FREM2: variants seen among roughly 807,000 people sequenced by gnomAD.
FREM2 encodes the protein FRAS1 related extracellular matrix 2.
FREM2 carries 119 observed loss-of-function variants against 219.9 expected under a neutral mutation model. That is an observed-to-expected ratio of 0.54 (90% CI 0.47 to 0.63). The LOEUF (loss-of-function observed/expected upper bound fraction) is 0.63. Ranked by LOEUF, FREM2 falls within the 30% of genes least tolerant of loss-of-function variation. FREM2 has a pLI of 0.00. For missense variants in FREM2, 4,030 were observed against 3,993.6 expected (o/e 1.01, Z -0.25); for synonymous variants, 1,562 against 1,522.8 (o/e 1.03, Z -0.60).
chr13:38,734,173 A>G (rs1229862864), intron 2 of FREM2, among the ~76,000 whole-genome samples: 2 of 152,028 alleles, frequency 1.3e-5, no homozygotes, highest in African/African-American at 4.8e-5. Context: ...ACACAAAAAA[A>G]AAAGAAAGAA....
chr13:38,799,625 T>A (rs1874932382), intron 6 of FREM2, among the ~76,000 whole-genome samples: 1 of 152,110 alleles, frequency 6.6e-6, no homozygotes, highest in Non-Finnish European at 1.5e-5. Context: ...TAATATTTAT[T>A]TTATGAATCT....
intron 6 of FREM2, among the ~76,000 whole-genome samples, chr13:38,792,339 C>T (rs1396509436): frequency 6.6e-6 from 1 of 152,122 alleles, no homozygotes; most frequent in Admixed American, 6.5e-5. Flanking sequence ...ACAAGCAAGA[C>T]TCGGTCTCAA....
At chr13:38,781,873 G>A (rs796453682) in intron 4 of FREM2, among the ~76,000 whole-genome samples, 1 of 152,168 alleles carries the variant, frequency 6.6e-6, no homozygotes, top group South Asian at 2.1e-4. Flanking sequence ...CAGAGAGTGA[G>A]CTAGGCCCTA....
At chr13:38,783,268 A>T in intron 5 of FREM2, 73 bp downstream of exon 5, 1 of 1,505,078 alleles carries the variant, frequency 6.6e-7, no homozygotes, top group Non-Finnish European at 9.2e-7. Context: ...TATTGGAGCC[A>T]TAACATTTTA....
At position 38,761,203 on chromosome 13, in the gene FREM2, G is replaced by A. The variant is rs185690428; in HGVS notation, c.5264-3101G>A. On this transcript the variant is annotated intron_variant, in intron 2 of 23. Coordinates refer to ENST00000280481, the MANE Select transcript of FREM2 (RefSeq NM_207361.6). ...AAAGAGTGAGAGGTTGGATGTGAGA[G>A]GATGGATATTTCTCTTTAAGGGGAA... is the stretch of plus-strand genomic sequence containing the variant. Among the ~76,000 whole-genome samples the A allele has an allele frequency of 3.9e-3, 601 of 152,254 alleles. 4 individuals are homozygous for A. Among genetic ancestry groups the A allele is most frequent in the African/African-American group, 0.014 (569 of 41,548 alleles).
intron 3 of FREM2, among the ~76,000 whole-genome samples, chr13:38,765,176 C>T (rs1277015036): frequency 1.3e-5 from 2 of 152,160 alleles, no homozygotes; most frequent in East Asian, 3.9e-4. Context: ...TCCCAAAGTG[C>T]TGGGATTACA....
intron 6 of FREM2, among the ~76,000 whole-genome samples, chr13:38,786,273 A>C (rs148219697): frequency 6.6e-6 from 1 of 152,270 alleles, no homozygotes; most frequent in Non-Finnish European, 1.5e-5. Context: ...CATCCTAACA[A>C]TTCTGTAGAA....
chr13:38,790,968 C>T (rs555498949), intron 6 of FREM2, among the ~76,000 whole-genome samples: 3 of 152,102 alleles, frequency 2.0e-5, no homozygotes, highest in Non-Finnish European at 4.4e-5. Context: ...ATTAAGGTGT[C>T]AGTGGGCACA....
At chr13:38,876,206 T>G (rs761878956) in intron 19 of FREM2, 42 bp from the exon 20 acceptor site, 9 of 1,613,924 alleles carry the variant, frequency 5.6e-6, no homozygotes, top group Non-Finnish European at 7.6e-6. Flanking sequence ...TGATTACACC[T>G]CAGATTTTTA....
At chr13:38,744,538 C>T (rs561775591) in intron 2 of FREM2, among the ~76,000 whole-genome samples, 1 of 152,026 alleles carries the variant, frequency 6.6e-6, no homozygotes, top group Non-Finnish European at 1.5e-5. Context: ...TCAACCCAGG[C>T]TGGAGCGCAG....
Position 38,813,605 on chromosome 13 carries a change from C to A in FREM2, c.6019+28797C>A, listed in dbSNP as rs1162536231. Among the ~76,000 whole-genome samples, 4 of 130,080 alleles carry A rather than the reference C, an allele frequency of 3.1e-5. 1 individual carries two copies. Among genetic ancestry groups the A allele is most frequent in the Non-Finnish European group, 6.6e-5 (4 of 60,686 alleles). The allele number at this position is 130,080 out of a possible 152,430, so 85.3% of individuals were successfully genotyped here. A position where few individuals can be genotyped will look rare whatever the true frequency, so the allele number is the denominator to read the frequency against. Reference sequence around the variant, plus strand: ...TATATATATATATCCCTCTCTCTCTCTTGCTGCTTTTAGGATCTTTTCTTT... The same window carrying A: ...TATATATATATATCCCTCTCTCTCTATTGCTGCTTTTAGGATCTTTTCTTT... On this transcript the variant is annotated intron_variant, in intron 6 of 23. Transcript: ENST00000280481.
At chr13:38,876,444 A>T in intron 20 of FREM2, 62 bp downstream of exon 20, 3 of 1,321,582 alleles carry the variant, frequency 2.3e-6, no homozygotes, top group Non-Finnish European at 3.2e-6. Context: ...TTCATTTATT[A>T]GTAAAAAAAA....
At chr13:38,821,286 C>G (rs1390833484) in intron 6 of FREM2, among the ~76,000 whole-genome samples, 1 of 151,696 alleles carries the variant, frequency 6.6e-6, no homozygotes, top group Admixed American at 6.6e-5. Context: ...TGTAATTGGC[C>G]TAAAATCTTC....
chr13:38,787,974 A>G (rs1436343592), intron 6 of FREM2, among the ~76,000 whole-genome samples: 1 of 152,050 alleles, frequency 6.6e-6, no homozygotes, highest in East Asian at 1.9e-4. Context: ...CCAAGAAATT[A>G]AGAGAGAAAA....
At chr13:38,877,478 T>C (rs1878382129) in intron 21 of FREM2, among the ~76,000 whole-genome samples, 1 of 152,212 alleles carries the variant, frequency 6.6e-6, no homozygotes, top group Non-Finnish European at 1.5e-5. Context: ...TAAGTGACTT[T>C]TGGAACAAGT....
intron 6 of FREM2, among the ~76,000 whole-genome samples, chr13:38,795,959 T>C (rs1874755677): frequency 6.6e-6 from 1 of 152,232 alleles, no homozygotes; most frequent in African/African-American, 2.4e-5. Flanking sequence ...TATTCCCTTG[T>C]GTGTATACAC....
chr13:38,856,188 G>A lies in FREM2; in HGVS notation c.6988G>A (p.Val2330Met). ...TGAAATCGAAGTTACCTTTGACGGG[G>A]TGAGAGAGATGAGAGAGGCCTTCAC... Reference protein sequence around the residue: ...VVEIEVTFDGVREMREAFTVH... With the variant: ...VVEIEVTFDGMREMREAFTVH... Residue 2330 changes from valine to methionine, a missense_variant, in exon 12 of 24, where the codon GTG (valine) becomes ATG (methionine). Val to Met is a conservative substitution (Grantham distance 21, BLOSUM62 1). Coordinates refer to ENST00000280481, the MANE Select transcript of FREM2 (RefSeq NM_207361.6). 2 of 1,612,432 alleles carry A rather than the reference G, an allele frequency of 1.2e-6. No individual in the cohort carries two copies. Among genetic ancestry groups the A allele is most frequent in the South Asian group, 1.1e-5 (1 of 91,050 alleles).
intron 2 of FREM2, among the ~76,000 whole-genome samples, chr13:38,711,505 T>C (rs944864404): frequency 7.9e-5 from 12 of 152,228 alleles, no homozygotes; most frequent in Non-Finnish European, 1.6e-4. Context: ...AAATATTCAC[T>C]GTATGAGCAC....
chr13:38,728,062 T>C (rs1426362827), intron 2 of FREM2, among the ~76,000 whole-genome samples: 2 of 152,160 alleles, frequency 1.3e-5, no homozygotes, highest in Non-Finnish European at 2.9e-5. Flanking sequence ...CAAGTAGACA[T>C]TTAGGATATA....
Sources: gnomAD v4.1 joint callset for allele counts (sites outside exome capture counted in the v4.1 genomes callset) on GRCh38, gnomAD v4.1.1 for gene constraint, MANE v1.5 for transcripts, NCBI Gene and HGNC (gene_info 2026-07-23, HGNC 2026-07-21) for gene names.